Variants in TNFAIP8 observed in about 807,000 individuals in gnomAD.
TNFAIP8 encodes the protein tumor necrosis factor alpha-induced protein 8.
A neutral mutation model predicts 13.3 loss-of-function variants in TNFAIP8; 7 were observed. The observed-to-expected ratio is 0.52, with a 90% CI of 0.30 to 0.99. The LOEUF is 0.99. Ranked by LOEUF, TNFAIP8 falls within the 50% of genes least tolerant of loss-of-function variation. The pLI is 0.07. For missense variants in TNFAIP8, 258 were observed against 236.9 expected, an observed-to-expected ratio of 1.09 and a Z score of -0.58; for synonymous variants, 94 against 87.6, an observed-to-expected ratio of 1.07 and a Z score of -0.41.
At chr5:119,341,163 G>A (rs148119033) in intron 1 of TNFAIP8, among the ~76,000 whole-genome samples, 2 of 147,414 alleles carry the variant, frequency 1.4e-5, no homozygotes, top group East Asian at 4.0e-4. Context: ...TAGTGATCCT[G>A]TTGCTCAATA....
intron 1 of TNFAIP8, among the ~76,000 whole-genome samples, chr5:119,376,059 T>G (rs964097238): frequency 1.3e-5 from 2 of 152,072 alleles, no homozygotes; most frequent in African/African-American, 4.8e-5. Flanking sequence ...ATAAACACTT[T>G]CCACCCAAAG....
chr5:119,326,230 A>G (rs1174312001), intron 1 of TNFAIP8, among the ~76,000 whole-genome samples: 1 of 152,172 alleles, frequency 6.6e-6, no homozygotes, highest in Non-Finnish European at 1.5e-5. Context: ...GTGTATAGTG[A>G]TGGTTACCTC....
intron 1 of TNFAIP8, among the ~76,000 whole-genome samples, chr5:119,295,804 A>G (rs1371151715): frequency 6.6e-6 from 1 of 152,098 alleles, no homozygotes; most frequent in South Asian, 2.1e-4. Context: ...CTTTTATTTC[A>G]TTTAGCAGTG....
rs984110504 is a variant in TNFAIP8 at position 119,396,790 on chromosome 5, C to T, written c.*3409C>T. The T allele has an allele frequency of 2.6e-5, 4 of 151,858 alleles. No individual in the cohort carries two copies. The highest frequency in any genetic ancestry group is 4.8e-5 in the African/African-American group (2 of 41,368). 9.4% of individuals were successfully genotyped at this position (151,858 alleles called of 1,614,324 possible). A position where few individuals can be genotyped will look rare whatever the true frequency, so the allele number is the denominator to read the frequency against. ...GGAGGATCACTTGAGGTGAGGAGTT[C>T]GAGACCAGCCTGGCCAACGTGGTGA... On this transcript the variant is annotated 3_prime_UTR_variant, in exon 2 of 2. Coordinates refer to ENST00000504771, the MANE Select transcript of TNFAIP8 (RefSeq NM_014350.4).
intron 1 of TNFAIP8, among the ~76,000 whole-genome samples, chr5:119,338,187 CA>C (rs1750619726): frequency 1.3e-5 from 2 of 149,170 alleles, no homozygotes; most frequent in Admixed American, 6.6e-5. Flanking sequence ...CACACACACA[CA>C]CACACACACA....
At position 119,399,073 on chromosome 5, in the gene TNFAIP8, T is replaced by C. The variant is rs1317627641; in HGVS notation, c.*5692T>C. 6.6e-6 allele frequency: 1 copy of C among 152,248 alleles called. No individual in the cohort carries two copies. Among genetic ancestry groups the C allele is most frequent in the Non-Finnish European group, 1.5e-5 (1 of 68,040 alleles). 9.4% of individuals were successfully genotyped at this position (152,248 alleles called of 1,614,324 possible). A position where few individuals can be genotyped will look rare whatever the true frequency, so the allele number is the denominator to read the frequency against. ...GCATTATTGCTCTTTTCGAATCATA[T>C]GGACTTAGTGTTCTCATGACCGAGG... is the stretch of plus-strand genomic sequence containing the variant. On this transcript the variant is annotated 3_prime_UTR_variant, in exon 2 of 2. Transcript: ENST00000504771.
chr5:119,390,872 G>A (rs965558139), intron 1 of TNFAIP8, among the ~76,000 whole-genome samples: 12 of 151,946 alleles, frequency 7.9e-5, no homozygotes, highest in African/African-American at 2.9e-4. Flanking sequence ...AGGCTGGAGT[G>A]CAGTAGTGCA....
intron 1 of TNFAIP8, among the ~76,000 whole-genome samples, chr5:119,311,623 A>C (rs1405694546): frequency 7.3e-6 from 1 of 137,788 alleles, no homozygotes; most frequent in East Asian, 2.3e-4. Context: ...CAGAAGGTGG[A>C]GGTTGCAGTG....
In TNFAIP8 at chr5:119,396,140, A is replaced by G. The variant is rs1019489205; in HGVS notation, c.*2759A>G. 6.6e-6 allele frequency: 1 copy of G among 152,212 alleles called. No individual in the cohort carries two copies. The highest frequency in any genetic ancestry group is 6.5e-5 in the Admixed American group (1 of 15,280). The allele number at this position is 152,212 out of a possible 1,614,324, so 9.4% of individuals were successfully genotyped here. A position where few individuals can be genotyped will look rare whatever the true frequency, so the allele number is the denominator to read the frequency against. ...TCGAGGTGTCCCAGCCGGAATATGT[A>G]TAAAATCTTATTTTCACTTAAAGAT... On this transcript the variant is annotated 3_prime_UTR_variant, in exon 2 of 2. Transcript: ENST00000504771.
intron 1 of TNFAIP8, among the ~76,000 whole-genome samples, chr5:119,326,275 T>C (rs1269915276): frequency 2.0e-5 from 3 of 152,096 alleles, no homozygotes; most frequent in African/African-American, 7.2e-5. Flanking sequence ...TGGAGCAAAA[T>C]GTGGGAAATG....
chr5:119,340,812 C>T (rs1460437828), intron 1 of TNFAIP8, among the ~76,000 whole-genome samples: 1 of 152,172 alleles, frequency 6.6e-6, no homozygotes, highest in Admixed American at 6.5e-5. Flanking sequence ...GTTTGAATTG[C>T]ACCAAGTTGA....
chr5:119,364,752 G>C (rs1212596518), intron 1 of TNFAIP8, among the ~76,000 whole-genome samples: 1 of 151,018 alleles, frequency 6.6e-6, no homozygotes, highest in African/African-American at 2.4e-5. Context: ...GTATCACACA[G>C]CTCTTCATAC....
At chr5:119,306,318 C>CTTTTTTT (rs770923933) in intron 1 of TNFAIP8, 7 of 121,752 alleles carry the variant, frequency 5.7e-5, no homozygotes, top group African/African-American at 2.5e-4. Context: ...TTCTTTCTTT[C>CTTTTTTT]TTTTTCTTTT....
At chr5:119,308,321 T>G (rs1445999680) in intron 1 of TNFAIP8, among the ~76,000 whole-genome samples, 1 of 151,808 alleles carries the variant, frequency 6.6e-6, no homozygotes, top group African/African-American at 2.4e-5. Context: ...GTTTTGTCCC[T>G]CACATCTGTT....
intron 1 of TNFAIP8, among the ~76,000 whole-genome samples, chr5:119,314,488 G>A (rs1749826930): frequency 6.6e-6 from 1 of 152,210 alleles, no homozygotes; most frequent in African/African-American, 2.4e-5. Flanking sequence ...CTTGTTGATG[G>A]AGTCTGGAAC....
chr5:119,361,617 A>G (rs547715119), intron 1 of TNFAIP8, among the ~76,000 whole-genome samples: 1 of 152,366 alleles, frequency 6.6e-6, no homozygotes, highest in East Asian at 1.9e-4. Flanking sequence ...TGATAGCTTT[A>G]GGTGCCTGAA....
intron 1 of TNFAIP8, among the ~76,000 whole-genome samples, chr5:119,361,705 T>A (rs903194030): frequency 1.3e-5 from 2 of 152,226 alleles, no homozygotes; most frequent in African/African-American, 2.4e-5. Flanking sequence ...TCCTTCCAGT[T>A]TGACCTGCCA....
At chr5:119,391,292 G>C (rs1264816634) in intron 1 of TNFAIP8, 1 of 680,830 alleles carries the variant, frequency 1.5e-6, no homozygotes, top group Admixed American at 2.1e-5. Flanking sequence ...TTGATGCCTT[G>C]ACTCATTTGT....
chr5:119,389,140 C>T (rs913473858), intron 1 of TNFAIP8, among the ~76,000 whole-genome samples: 1 of 152,028 alleles, frequency 6.6e-6, no homozygotes, highest in Non-Finnish European at 1.5e-5. Flanking sequence ...ATCCCCAGGT[C>T]TCTGATTTGA....
Sources: allele counts gnomAD v4.1 joint callset (sites outside exome capture counted in the v4.1 genomes callset), GRCh38; gene constraint gnomAD v4.1.1; transcripts MANE v1.5; gene names NCBI Gene and HGNC (gene_info 2026-07-23, HGNC 2026-07-21).